The following TANC2 variants were observed in gnomAD, a reference collection of about 807,000 sequenced individuals.
The protein encoded by TANC2 is tetratricopeptide repeat, ankyrin repeat and coiled-coil containing 2, also known as protein TANC2.
TANC2 carries 26 observed loss-of-function variants against 210.5 expected under a neutral mutation model. The observed-to-expected ratio is 0.12, with a 90% CI of 0.09 to 0.17. The LOEUF (loss-of-function observed/expected upper bound fraction) is 0.17, where lower values mean the gene tolerates loss of function less well. TANC2 is among the 10% of genes least tolerant of loss of function. The pLI, the probability that TANC2 is intolerant of heterozygous loss-of-function variation, is 1.00. For synonymous variants in TANC2, 931 were observed against 967.1 expected (o/e 0.96, Z 0.69); for missense variants, 2,129 against 2,608.9 (o/e 0.82, Z 4.01).
intron 9 of TANC2, among the ~76,000 whole-genome samples, chr17:63,279,438 T>C (rs564939901): frequency 7.8e-4 from 119 of 152,206 alleles, no homozygotes; most frequent in Non-Finnish European, 1.8e-4. Flanking sequence ...AGAGTTGTTA[T>C]GTCTGAGCAT....
In TANC2 at chr17:63,316,836, C is replaced by T. The variant is rs556474195; in HGVS notation, c.1442-2121C>T. ...GCTATTTTTTGGCACAAATCTGTTA[C>T]CTATATGAACTGGTGTTGAATATGT... On this transcript the variant is annotated intron_variant, in intron 10 of 27. Coordinates refer to ENST00000689528, the Ensembl canonical transcript of TANC2. Among the ~76,000 whole-genome samples the T allele has an allele frequency of 8.7e-4, 132 of 152,160 alleles. 1 individual carries two copies. The highest frequency in any genetic ancestry group is 1.6e-3 in the Non-Finnish European group (109 of 68,006).
chr17:63,037,597 T>C (rs2035023940), intron 2 of TANC2, among the ~76,000 whole-genome samples: 1 of 152,090 alleles, frequency 6.6e-6, no homozygotes, highest in Admixed American at 6.6e-5. Context: ...GCGGATTACC[T>C]GAGGTCAGGA....
At chr17:63,415,031 T>C (rs565138772) in intron 25 of TANC2, among the ~76,000 whole-genome samples, 1 of 152,346 alleles carries the variant, frequency 6.6e-6, no homozygotes, top group African/African-American at 2.4e-5. Context: ...AAGCAACTGC[T>C]AGACTGCTTT....
intron 9 of TANC2, among the ~76,000 whole-genome samples, chr17:63,286,085 C>T (rs2044211324): frequency 6.6e-6 from 1 of 152,130 alleles, no homozygotes; most frequent in Non-Finnish European, 1.5e-5. Context: ...AGACATTTTA[C>T]TTATATAAAT....
intron 4 of TANC2, among the ~76,000 whole-genome samples, chr17:63,104,677 A>G (rs1367107232): frequency 1.3e-5 from 2 of 152,226 alleles, no homozygotes; most frequent in Non-Finnish European, 2.9e-5. Flanking sequence ...ATGCAGACAT[A>G]CATACACACA....
chr17:63,425,477 GTATC>G (rs936242452), exon 28 of TANC2: 3 of 152,174 alleles, frequency 2.0e-5, no homozygotes, highest in South Asian at 2.1e-4. Context: ...AAATTAATCA[GTATC>G]TAATTTAATA....
chr17:63,237,959 C>T, exon 8 of TANC2: 2 of 1,588,940 alleles, frequency 1.3e-6, no homozygotes, highest in South Asian at 1.2e-5. Context: ...TAGATGAAAA[C>T]ATGACTGCTT....
intron 2 of TANC2, among the ~76,000 whole-genome samples, chr17:63,023,992 CT>C (rs1161764685): frequency 1.3e-4 from 20 of 152,114 alleles, no homozygotes; most frequent in East Asian, 3.8e-4. Context: ...TCCATTCATC[CT>C]TTTTTTATTG....
intron 4 of TANC2, among the ~76,000 whole-genome samples, chr17:63,101,938 G>T (rs1423790378): frequency 3.3e-5 from 5 of 152,144 alleles, no homozygotes; most frequent in Non-Finnish European, 7.3e-5. Flanking sequence ...AATGAGCTTG[G>T]CATGTTCAAG....
At chr17:63,345,641 A>G (rs2046382974) in intron 12 of TANC2, among the ~76,000 whole-genome samples, 1 of 145,826 alleles carries the variant, frequency 6.9e-6, no homozygotes. Context: ...AAAAAAAAAC[A>G]CATAATCCCA....
chr17:63,200,970 T>C lies in TANC2; in HGVS notation c.769+13T>C. On this transcript the variant is annotated intron_variant, in intron 7 of 27. Transcript: ENST00000689528. ...AGTGGCATCATTGGTGAGTTGGTTT[T>C]TATATTGATAATTTTGTGTCCTTTT... is the stretch of plus-strand genomic sequence containing the variant. 6.3e-7 allele frequency: 1 copy of C among 1,590,364 alleles called. No homozygotes were observed. Among genetic ancestry groups the C allele is most frequent in the East Asian group, 2.2e-5 (1 of 44,594 alleles).
chr17:63,238,109 G>C (rs942770742), intron 8 of TANC2, 32 bp downstream of exon 8: 1 of 1,504,240 alleles, frequency 6.6e-7, no homozygotes, highest in Non-Finnish European at 8.9e-7. Context: ...TGTTGTTGCT[G>C]TTGTTAAATA....
At chr17:63,097,663 C>T (rs1237766676) in intron 3 of TANC2, among the ~76,000 whole-genome samples, 1 of 151,960 alleles carries the variant, frequency 6.6e-6, no homozygotes, top group Non-Finnish European at 1.5e-5. Flanking sequence ...CGCATGCAGC[C>T]CACGGGCTAG....
intron 7 of TANC2, among the ~76,000 whole-genome samples, chr17:63,216,249 A>G (rs935763498): frequency 6.6e-6 from 1 of 151,368 alleles, no homozygotes; most frequent in East Asian, 2.0e-4. Context: ...GGGTTTCACC[A>G]TGTTGGCCAG....
chr17:63,083,460 T>G (rs2144735310), intron 3 of TANC2, among the ~76,000 whole-genome samples: 1 of 152,228 alleles, frequency 6.6e-6, no homozygotes, highest in Admixed American at 6.5e-5. Context: ...GGGGGAGATT[T>G]CCTCCAGTCT....
At chr17:63,259,408 T>C (rs2043293093) in intron 8 of TANC2, among the ~76,000 whole-genome samples, 2 of 152,130 alleles carry the variant, frequency 1.3e-5, no homozygotes. Context: ...TCACCTGATT[T>C]TTGGGTCTTA....
chr17:63,422,201 G>A (rs1405805784), exon 28 of TANC2: 5 of 452,198 alleles, frequency 1.1e-5, no homozygotes, highest in African/African-American at 7.8e-5. Flanking sequence ...AGATGCCAAC[G>A]AGGAGATTTT....
intron 2 of TANC2, among the ~76,000 whole-genome samples, chr17:63,025,796 AAAAAT>A (rs1255977563): frequency 0.01 from 1,416 of 139,176 alleles, 11 homozygotes; most frequent in Middle Eastern, 0.025. Context: ...ACCCTATCTC[AAAAAT>A]AAAATAAAAT....
intron 5 of TANC2, among the ~76,000 whole-genome samples, chr17:63,187,668 G>T (rs922694793): frequency 3.3e-5 from 5 of 151,878 alleles, no homozygotes; most frequent in African/African-American, 1.2e-4. Context: ...GATACAAGAA[G>T]TTCAATGAAT....
Sources: gnomAD v4.1 joint callset for allele counts (sites outside exome capture counted in the v4.1 genomes callset) on GRCh38, gnomAD v4.1.1 for gene constraint, MANE v1.5 for transcripts, NCBI Gene and HGNC (gene_info 2026-07-23, HGNC 2026-07-21) for gene names.